LTF: variants seen among roughly 807,000 people sequenced by gnomAD.
The protein encoded by LTF is lactotransferrin.
In LTF, 91 loss-of-function variants were observed where a neutral mutation model predicts 87.2. That is an observed-to-expected ratio of 1.04 (90% CI 0.88 to 1.24). The LOEUF is 1.24. Among genes scored for constraint, LTF ranks in the 50% most tolerant of loss-of-function variants. The probability of loss-of-function intolerance (pLI) is 0.00; values close to 1 mark genes in which losing one functional copy is unlikely to be tolerated. For missense variants in LTF, 901 were observed against 904.3 expected (o/e 1.00, Z 0.05); for synonymous variants, 378 against 356.1 (o/e 1.06, Z -0.69).
In LTF at chr3:46,439,499, T is replaced by C. The variant is rs1203284018; in HGVS notation, c.1724-19A>G. 1 of 1,588,134 alleles carries C rather than the reference T, an allele frequency of 6.3e-7. No homozygotes were observed. The highest frequency in any genetic ancestry group is 8.6e-7 in the Non-Finnish European group (1 of 1,165,076). The stretch of plus-strand genomic sequence containing the variant: ...TTATTTCCTGGGGAGAAAAAGAAGG[T>C]GGCATCATCCACGCCTCCCCTGCTT... On this transcript the variant is annotated intron_variant, in intron 14 of 16. Coordinates refer to ENST00000231751, the MANE Select transcript of LTF (RefSeq NM_002343.6).
At chr3:46,451,938 C>T (rs6766188) in intron 6 of LTF, among the ~76,000 whole-genome samples, 28,596 of 152,040 alleles carry the variant, frequency 0.19, 2,806 homozygotes, top group South Asian at 0.26. Context: ...ACAGCAAAAA[C>T]CTTACTAAAA....
At chr3:46,448,200 C>T (rs1436311757) in intron 9 of LTF, among the ~76,000 whole-genome samples, 2 of 151,810 alleles carry the variant, frequency 1.3e-5, no homozygotes, top group Non-Finnish European at 2.9e-5. Flanking sequence ...CCTGTCGCTA[C>T]AATAATAATA....
At position 46,455,811 on chromosome 3, in the gene LTF, C is replaced by G. The variant is rs1413712026; in HGVS notation, c.484G>C (p.Glu162Gln). The change falls in exon 4 of 17, where the codon GAG (glutamate) becomes CAG (glutamine). Residue 162 changes from glutamate (E) to glutamine (Q), a missense_variant. By Grantham distance (29) the Glu-to-Gln change is conservative (BLOSUM62 2). Coordinates refer to ENST00000231751, the MANE Select transcript of LTF (RefSeq NM_002343.6). ...RPFLNWTGPP[E>Q]PIEAAVARFF... is the part of the protein sequence containing the mutation. ...GCCATCTTACCTGCCTCAATGGGCT[C>G]AGGTGGACCCGTCCAATTCAAGAAT... The G allele has an allele frequency of 1.3e-6, 2 of 1,577,424 alleles. No homozygotes were observed. Among genetic ancestry groups the G allele is most frequent in the East Asian group, 2.2e-5 (1 of 44,568 alleles).
At chr3:46,458,068 G>C (rs1559604442) in intron 2 of LTF, among the ~76,000 whole-genome samples, 1 of 152,102 alleles carries the variant, frequency 6.6e-6, no homozygotes, top group African/African-American at 2.4e-5. Context: ...ACAGATGTGA[G>C]CCACCACGCC....
upstream of LTF, chr3:46,468,394 T>G (rs973310398): frequency 3.8e-5 from 17 of 449,696 alleles, no homozygotes; most frequent in Non-Finnish European, 6.3e-5. Flanking sequence ...AGAAGGTAGC[T>G]GCTGTGGAAA....
At chr3:46,475,399 A>G (rs1703346998) in intron 1 of LTF, among the ~76,000 whole-genome samples, 1 of 152,188 alleles carries the variant, frequency 6.6e-6, no homozygotes. Context: ...AATACTCTCC[A>G]ATACATTCCA....
intron 1 of LTF, among the ~76,000 whole-genome samples, chr3:46,462,284 G>A (rs1703100828): frequency 6.6e-6 from 1 of 152,204 alleles, no homozygotes; most frequent in African/African-American, 2.4e-5. Flanking sequence ...GCTAAGAATG[G>A]TGGATGTGTT....
In LTF at chr3:46,455,963, T is replaced by C. The variant is rs367632978; in HGVS notation, c.332A>G (p.Tyr111Cys). 6.3e-7 allele frequency: 1 copy of C among 1,596,032 alleles called. No homozygotes were observed. The highest frequency in any genetic ancestry group is 1.1e-5 in the South Asian group (1 of 88,192). Residue 111 changes from tyrosine to cysteine, a missense_variant, in exon 4 of 17, where the codon TAT (tyrosine) becomes TGT (cysteine). Tyr to Cys is a radical substitution (Grantham distance 194). Transcript: ENST00000231751. ...CTTCTTCACCACAGCCACGGCATAATAGTGAGTTCGTGGCTCTGCAAAGGG... is the reference window on the plus strand; with the variant it reads ...CTTCTTCACCACAGCCACGGCATAACAGTGAGTTCGTGGCTCTGCAAAGGG... ...YGTERQPRTH[Y>C]YAVAVVKKGG...
At chr3:46,473,948 G>A (rs945929991) in intron 1 of LTF, among the ~76,000 whole-genome samples, 3 of 152,064 alleles carry the variant, frequency 2.0e-5, no homozygotes, top group Admixed American at 6.5e-5. Flanking sequence ...TAACCACTAC[G>A]TAACCTATAC....
At chr3:46,478,559 A>G (rs539214803) in intron 1 of LTF, among the ~76,000 whole-genome samples, 105 of 152,326 alleles carry the variant, frequency 6.9e-4, no homozygotes, top group Admixed American at 4.0e-3. Context: ...CTTCCTGGAC[A>G]GTGCAGCTGG....
intron 2 of LTF, among the ~76,000 whole-genome samples, chr3:46,457,944 ATTT>A (rs11410006): frequency 6.1e-5 from 9 of 147,164 alleles, no homozygotes; most frequent in South Asian, 2.2e-4. Flanking sequence ...TGCCTGGCTA[ATTT>A]TTTTTTTTTT....
Position 46,443,435 on chromosome 3 carries a change from A to G in LTF, c.1655+6T>C, listed in dbSNP as rs774012779. On this transcript the variant is annotated splice_donor_region_variant and intron_variant, in intron 13 of 16. Transcript: ENST00000231751. The stretch of plus-strand genomic sequence containing the variant: ...CCATCCTGATGGAGCTCAGTCACAG[A>G]CTCACCGGAAAGCCCCAGTGTAGCC... 1.9e-6 allele frequency: 3 copies of G among 1,613,828 alleles called. No individual in the cohort carries two copies. The highest frequency in any genetic ancestry group is 4.5e-5 in the East Asian group (2 of 44,896).
At chr3:46,474,171 T>C (rs1320572237) in intron 1 of LTF, among the ~76,000 whole-genome samples, 2 of 151,762 alleles carry the variant, frequency 1.3e-5, no homozygotes, top group African/African-American at 4.8e-5. Context: ...ATTGGAAGAG[T>C]GGATTAAAAA....
chr3:46,448,457 C>T (rs1018783590), intron 9 of LTF, among the ~76,000 whole-genome samples: 15 of 152,034 alleles, frequency 9.9e-5, no homozygotes, highest in Non-Finnish European at 1.6e-4. Flanking sequence ...GGCTTAAAAA[C>T]GACATACTGC....
intron 4 of LTF, 125 bp from the exon 5 acceptor site, chr3:46,455,567 CAT>C: frequency 7.8e-7 from 1 of 1,288,064 alleles, no homozygotes; most frequent in Non-Finnish European, 1.1e-6. Flanking sequence ...GAGACTCTGT[CAT>C]GGGGCTGGGA....
At chr3:46,482,821 AAG>A (rs1462453433) in intron 1 of LTF, among the ~76,000 whole-genome samples, 6 of 144,966 alleles carry the variant, frequency 4.1e-5, no homozygotes, top group Admixed American at 2.1e-4. Context: ...GAAAGAAAGA[AAG>A]AGAAAGGGAG....
At chr3:46,438,284 G>A (rs1238109114) in intron 15 of LTF, among the ~76,000 whole-genome samples, 155 bp from the exon 16 acceptor site, 2 of 152,158 alleles carry the variant, frequency 1.3e-5, no homozygotes, top group Non-Finnish European at 2.9e-5. Flanking sequence ...CCTTAGTGGA[G>A]TCCCCCACCC....
In LTF at chr3:46,482,560, G is replaced by GAAGGGAAGGA. The variant is rs1559614576; in HGVS notation, c.-320+2425_-320+2426insTCCTTCCCTT. On this transcript the variant is annotated intron_variant, in intron 1 of 19. Coordinates refer to the LTF transcript ENST00000443496. ...GAAGGGAAGGGAAGGGAAGGGAAGG[G>GAAGGGAAGGA]AAGGGAAGGGAAAGGAAAGGAAGGG... Among the ~76,000 whole-genome samples the GAAGGGAAGGA allele has an allele frequency of 5.1e-3, 267 of 52,334 alleles. 48 individuals carry two copies. Among genetic ancestry groups the GAAGGGAAGGA allele is most frequent in the African/African-American group, 0.019 (241 of 12,580 alleles). The allele number at this position is 52,334 out of a possible 152,430, so 34.3% of individuals were successfully genotyped here.
At chr3:46,468,671 A>G (rs929001034), upstream of LTF, among the ~76,000 whole-genome samples, 3 of 152,216 alleles carry the variant, frequency 2.0e-5, no homozygotes, top group Admixed American at 2.0e-4. Flanking sequence ...TCTGAGTAGA[A>G]CTGGCTTCAG....
Sources: gnomAD v4.1 joint callset for allele counts (sites outside exome capture counted in the v4.1 genomes callset) on GRCh38, gnomAD v4.1.1 for gene constraint, MANE v1.5 for transcripts, NCBI Gene and HGNC (gene_info 2026-07-23, HGNC 2026-07-21) for gene names.